TBXAS1: variants seen among roughly 807,000 people sequenced by gnomAD.
TBXAS1 encodes thromboxane-A synthase.
In TBXAS1, 48 loss-of-function variants were observed where a neutral mutation model predicts 60.7. The ratio of observed to expected loss-of-function variants is 0.79; its 90% CI spans 0.63 to 1.01. The LOEUF (loss-of-function observed/expected upper bound fraction) is 1.01. Ranked by LOEUF, TBXAS1 falls within the 50% of genes least tolerant of loss-of-function variation. The pLI is 0.00. For missense variants in TBXAS1, 685 were observed against 686.3 expected (o/e 1.00, Z 0.02); for synonymous variants, 287 against 269.7 (o/e 1.06, Z -0.63).
intron 10 of TBXAS1, 107 bp from the exon 11 acceptor site, chr7:140,015,616 G>C: frequency 7.6e-7 from 1 of 1,308,264 alleles, no homozygotes; most frequent in Non-Finnish European, 1.1e-6. Flanking sequence ...ACACCATGCT[G>C]CCTGCCCCTG....
At chr7:139,834,770 G>A (rs1798945309) in intron 1 of TBXAS1, among the ~76,000 whole-genome samples, 1 of 152,026 alleles carries the variant, frequency 6.6e-6, no homozygotes, top group Admixed American at 6.6e-5. Flanking sequence ...CTTAAATCAG[G>A]AAGCATTAGA....
At chr7:139,988,676 A>G (rs1812677607) in intron 9 of TBXAS1, among the ~76,000 whole-genome samples, 1 of 151,966 alleles carries the variant, frequency 6.6e-6, no homozygotes, top group Non-Finnish European at 1.5e-5. Flanking sequence ...TTTGACCATC[A>G]GCCCAGCTTG....
At chr7:140,002,648 T>G (rs981719397) in intron 9 of TBXAS1, among the ~76,000 whole-genome samples, 1 of 152,068 alleles carries the variant, frequency 6.6e-6, no homozygotes, top group Non-Finnish European at 1.5e-5. Flanking sequence ...ATCCGTTCAT[T>G]CCTCAGGTGT....
chr7:139,843,324 A>AC (rs1309765700), intron 1 of TBXAS1, among the ~76,000 whole-genome samples: 4 of 41,000 alleles, frequency 9.8e-5, no homozygotes, highest in Non-Finnish European at 1.2e-4. Flanking sequence ...ACTTTACTTT[A>AC]TTTATTTATT....
intron 5 of TBXAS1, chr7:139,952,470 A>T (rs1001160635): frequency 9.7e-6 from 14 of 1,450,502 alleles, no homozygotes; most frequent in Non-Finnish European, 1.3e-5. Context: ...GCTCAGAATG[A>T]TGTATTAGAG....
rs1477215591 is a variant in TBXAS1 at position 139,955,539 on chromosome 7, A to T, written c.620A>T (p.Asp207Val). 1 of 1,614,128 alleles carries T rather than the reference A, an allele frequency of 6.2e-7. No homozygotes were observed. The highest frequency in any genetic ancestry group is 1.3e-5 in the African/African-American group (1 of 75,026). The change falls in exon 7 of 13, where the codon GAT becomes GTT. Residue 207 changes from aspartate (D) to valine (V), a missense_variant. By Grantham distance (152) the Asp-to-Val change is radical. Coordinates refer to ENST00000448866, the MANE Select transcript of TBXAS1 (RefSeq NM_001061.7). ...TPVDSWQAPE[D>V]PFVKHCKRFF... Reference sequence around the variant, plus strand: ...GTGGACTCCTGGCAGGCCCCTGAGGATCCCTTTGTGAAACACTGCAAGCGT... The same window carrying T: ...GTGGACTCCTGGCAGGCCCCTGAGGTTCCCTTTGTGAAACACTGCAAGCGT...
At chr7:140,002,095 G>T (rs530499708) in intron 9 of TBXAS1, among the ~76,000 whole-genome samples, 8 of 152,126 alleles carry the variant, frequency 5.3e-5, no homozygotes, top group Admixed American at 3.9e-4. Context: ...AATCATGCTC[G>T]CCAATTCCAT....
At chr7:140,002,602 G>A (rs1023325155) in intron 9 of TBXAS1, among the ~76,000 whole-genome samples, 4 of 152,208 alleles carry the variant, frequency 2.6e-5, no homozygotes, top group African/African-American at 4.8e-5. Flanking sequence ...TCGCTGGTTC[G>A]ACTAAGACAT....
intron 4 of TBXAS1, chr7:139,789,212 A>ATCTCTCTCTCTCTCTCTC (rs138299225): frequency 2.8e-5 from 4 of 142,498 alleles, no homozygotes; most frequent in African/African-American, 1.0e-4. Flanking sequence ...AATATGTTTA[A>ATCTCTCTCTCTCTCTCTC]TCTCTCTCTC....
chr7:139,848,135 CTTATTTAT>C (rs35299952), intron 1 of TBXAS1, among the ~76,000 whole-genome samples: 38,600 of 150,558 alleles, frequency 0.26, 6,350 homozygotes, highest in African/African-American at 0.43. Context: ...TTATGTTTTA[CTTATTTAT>C]TTATTTATTT....
In TBXAS1 at chr7:139,851,624, A is replaced by G. The variant is rs1170618954; in HGVS notation, c.90-20611A>G. ...GCCTGACACAGAGTAGGCACTAAAT[A>G]TATTTTTATGGAATAAAGAATGGAA... On this transcript the variant is annotated intron_variant, in intron 1 of 12. Transcript: ENST00000448866. Among the ~76,000 whole-genome samples, 2 of 152,236 alleles carry G rather than the reference A, an allele frequency of 1.3e-5. 1 individual carries two copies. The highest frequency in any genetic ancestry group is 2.9e-5 in the Non-Finnish European group (2 of 68,048).
upstream of TBXAS1, among the ~76,000 whole-genome samples, chr7:139,824,829 C>CTTTTTTTTTTT (rs1192880390): frequency 7.7e-5 from 3 of 38,854 alleles, no homozygotes; most frequent in Non-Finnish European, 1.5e-4. Context: ...TTTTCCTTTT[C>CTTTTTTTTTTT]TTTTTTTTTT....
chr7:139,900,775 A>G (rs1804503661), intron 3 of TBXAS1, among the ~76,000 whole-genome samples: 1 of 152,218 alleles, frequency 6.6e-6, no homozygotes, highest in Non-Finnish European at 1.5e-5. Flanking sequence ...AATGGCTGCC[A>G]TCAGCCCTAG....
In TBXAS1 at chr7:139,919,929, C is replaced by T. The variant is rs181895257; in HGVS notation, c.333+8608C>T. Among the ~76,000 whole-genome samples the T allele has an allele frequency of 3.9e-5, 6 of 152,356 alleles. No individual in the cohort carries two copies. The East Asian group carries it at 1.2e-3, about 29-fold the overall frequency. On this transcript the variant is annotated intron_variant, in intron 4 of 12. Coordinates refer to ENST00000448866, the MANE Select transcript of TBXAS1 (RefSeq NM_001061.7). ...TATAGGCCACCCCACTCCCACCCTC[C>T]ATTCTTTGTCTTGATAGTTCCAGTC...
chr7:139,927,422 T>A (rs986115052), intron 4 of TBXAS1, among the ~76,000 whole-genome samples: 13 of 152,246 alleles, frequency 8.5e-5, no homozygotes, highest in African/African-American at 3.1e-4. Flanking sequence ...ATAAAAACTC[T>A]ACGCTTTAAC....
chr7:139,943,382 A>T (rs959274293), intron 5 of TBXAS1, among the ~76,000 whole-genome samples: 2 of 152,208 alleles, frequency 1.3e-5, no homozygotes, highest in Non-Finnish European at 2.9e-5. Flanking sequence ...AATTAAAATC[A>T]CTATCATGAT....
At chr7:139,930,142 C>T (rs1160559508) in intron 4 of TBXAS1, among the ~76,000 whole-genome samples, 1 of 152,172 alleles carries the variant, frequency 6.6e-6, no homozygotes, top group African/African-American at 2.4e-5. Context: ...GCCCACCAAA[C>T]CCCCAGCTCC....
At chr7:139,900,512 C>T (rs1361579396) in intron 3 of TBXAS1, among the ~76,000 whole-genome samples, 1 of 152,172 alleles carries the variant, frequency 6.6e-6, no homozygotes, top group Non-Finnish European at 1.5e-5. Context: ...CAGAATGGCA[C>T]TGGGAATTCA....
intron 3 of TBXAS1, among the ~76,000 whole-genome samples, chr7:139,894,292 G>A (rs945311220): frequency 2.6e-5 from 4 of 152,156 alleles, no homozygotes; most frequent in Non-Finnish European, 5.9e-5. Flanking sequence ...GGGGTGGTTA[G>A]GAAAGTGTGC....
Sources: gnomAD v4.1 joint callset for allele counts (sites outside exome capture counted in the v4.1 genomes callset) on GRCh38, gnomAD v4.1.1 for gene constraint, MANE v1.5 for transcripts, NCBI Gene and HGNC (gene_info 2026-07-23, HGNC 2026-07-21) for gene names.